SERPINB9: variants seen among roughly 807,000 people sequenced by gnomAD.
SERPINB9 encodes the protein serpin B9.
Under a neutral mutation model 27.2 loss-of-function variants are expected in SERPINB9, and 20 were observed. The ratio of observed to expected loss-of-function variants is 0.74; its 90% CI spans 0.52 to 1.07. The LOEUF is 1.07. Among genes scored for constraint, SERPINB9 ranks in the 50% least tolerant of loss-of-function variants. The probability of loss-of-function intolerance (pLI) is 0.00; values close to 1 mark genes in which losing one functional copy is unlikely to be tolerated. For missense variants in SERPINB9, 476 were observed against 460.1 expected, an observed-to-expected ratio of 1.03 and a Z score of -0.32; for synonymous variants, 189 against 180.0, an observed-to-expected ratio of 1.05 and a Z score of -0.40.
intron 1 of SERPINB9, among the ~76,000 whole-genome samples, chr6:2,900,865 C>T (rs1466032770): frequency 1.8e-5 from 1 of 57,030 alleles, no homozygotes; most frequent in Non-Finnish European, 3.2e-5. Context: ...AGAACTGGCT[C>T]GCCTGCAGAG....
chr6:2,890,456 T>C lies in SERPINB9; in HGVS notation c.838A>G (p.Met280Val). ...PKFKLQEDYD[M>V]ESVLRHLGIV... Reference sequence around the variant, plus strand: ...CCCAAATGCCGAAGCACAGATTCCATGTCATAATCCTCTTGTAGTTTAAAT... The same window carrying C: ...CCCAAATGCCGAAGCACAGATTCCACGTCATAATCCTCTTGTAGTTTAAAT... Residue 280 changes from methionine (M) to valine (V), a missense_variant, in exon 7 of 7, where the codon ATG becomes GTG. Physicochemically the swap from Met to Val is conservative, Grantham distance 21 (BLOSUM62 1). Coordinates refer to ENST00000380698, the MANE Select transcript of SERPINB9 (RefSeq NM_004155.6). The surrounding 1 kb of genome is among the most constrained non-coding windows in gnomAD (Gnocchi z 6.2). The C allele has an allele frequency of 1.2e-6, 2 of 1,614,228 alleles. No individual in the cohort carries two copies. The highest frequency in any genetic ancestry group is 1.7e-6 in the Non-Finnish European group (2 of 1,180,046).
chr6:2,900,879 GCT>G (rs149162495), intron 1 of SERPINB9, among the ~76,000 whole-genome samples: 3 of 140,086 alleles, frequency 2.1e-5, no homozygotes, highest in South Asian at 4.3e-4. Flanking sequence ...TGCAGAGCTC[GCT>G]CTCTCACACA....
chr6:2,892,105 T>C, intron 5 of SERPINB9, 117 bp from the exon 6 acceptor site: 1 of 115,028 alleles, frequency 8.7e-6, no homozygotes, highest in Non-Finnish European at 1.4e-5. Context: ...CAGTTAACAC[T>C]AAAAAAAAAA....
chr6:2,895,959 A>G (rs895918004), intron 3 of SERPINB9, 94 bp downstream of exon 3: 2 of 1,360,028 alleles, frequency 1.5e-6, no homozygotes, highest in African/African-American at 3.0e-5. Flanking sequence ...ATTGGTTAAC[A>G]TAAATTTCTC....
chr6:2,900,885 T>TCTCACACA (rs61100591), intron 1 of SERPINB9, among the ~76,000 whole-genome samples: 10 of 141,572 alleles, frequency 7.1e-5, no homozygotes, highest in East Asian at 4.2e-4. Flanking sequence ...GCTCGCTCTC[T>TCTCACACA]CACACACACA....
chr6:2,891,874 G>A lies in SERPINB9; in HGVS notation c.682C>T (p.Leu228=), dbSNP rs934294114. ...CCGTCGTCAGGCAGCAGCACCAGCA[G>A]GCTCAGCTCCTTCCTGGCGTAGGGC... The part of the protein sequence containing the change: ...ELPYARKELS[L]LVLLPDDGVE... The change falls in exon 6 of 7, where the codon CTG becomes TTG. Residue 228 remains leucine (L), a synonymous_variant. Coordinates refer to ENST00000380698, the MANE Select transcript of SERPINB9 (RefSeq NM_004155.6). This position sits in a 1 kb window ranked among gnomAD's most constrained non-coding sequence, Gnocchi z 4.0. The A allele has an allele frequency of 1.2e-6, 2 of 1,611,226 alleles. No individual in the cohort carries two copies. Among genetic ancestry groups the A allele is most frequent in the Non-Finnish European group, 8.5e-7 (1 of 1,179,678 alleles).
chr6:2,900,885 T>TCTCACACACACACACACACACACACACA (rs61100591), intron 1 of SERPINB9, among the ~76,000 whole-genome samples: 37 of 141,574 alleles, frequency 2.6e-4, no homozygotes, highest in East Asian at 1.3e-3. Context: ...GCTCGCTCTC[T>TCTCACACACACACACACACACACACACA]CACACACACA....
chr6:2,894,581 C>T lies in SERPINB9; in HGVS notation c.424+810G>A, dbSNP rs1280628258. Among the ~76,000 whole-genome samples the T allele has an allele frequency of 1.3e-5, 2 of 152,082 alleles. No homozygotes were observed. Among genetic ancestry groups the T allele is most frequent in the Non-Finnish European group, 2.9e-5 (2 of 68,022 alleles). On this transcript the variant is annotated intron_variant, in intron 4 of 6. Transcript: ENST00000380698. This position sits in a 1 kb window ranked among gnomAD's most constrained non-coding sequence, Gnocchi z 4.7. ...AGGTAAAGGTAATGGTGATGGAGGT[C>T]CCCCAGAACCTAGGAAGAGGCAGCC...
chr6:2,895,892 G>A (rs978632525), intron 3 of SERPINB9, among the ~76,000 whole-genome samples, 161 bp downstream of exon 3: 3 of 152,004 alleles, frequency 2.0e-5, no homozygotes, highest in African/African-American at 7.3e-5. Flanking sequence ...TTTAAGACCA[G>A]CCTGGGCAAC....
In SERPINB9 at chr6:2,888,353, CAAA is replaced by C. The variant is rs1767664132; in HGVS notation, c.*1807_*1809del. On this transcript the variant is annotated 3_prime_UTR_variant, in exon 7 of 7. Coordinates refer to ENST00000380698, the MANE Select transcript of SERPINB9 (RefSeq NM_004155.6). ...TCCTAGATATATACCCAAGAGAATG[CAAA>C]ATAGGCATTCAAACAAATACAGGTA... 6.6e-6 allele frequency: 1 copy of C among 152,010 alleles called. No homozygotes were observed. The highest frequency in any genetic ancestry group is 2.4e-5 in the African/African-American group (1 of 41,390). 9.4% of individuals were successfully genotyped at this position (152,010 alleles called of 1,614,324 possible). A position where few individuals can be genotyped will look rare whatever the true frequency, so the allele number is the denominator to read the frequency against.
At chr6:2,895,903 G>A (rs1052548097) in intron 3 of SERPINB9, 150 bp downstream of exon 3, 12 of 769,096 alleles carry the variant, frequency 1.6e-5, no homozygotes, top group African/African-American at 1.2e-4. Context: ...CCTGGGCAAC[G>A]TAGTGAGACC....
At chr6:2,901,489 A>G (rs966472875) in intron 1 of SERPINB9, among the ~76,000 whole-genome samples, 1 of 152,230 alleles carries the variant, frequency 6.6e-6, no homozygotes, top group African/African-American at 2.4e-5. Flanking sequence ...GCCAGAATGG[A>G]AAGGCAAGAA....
intron 2 of SERPINB9, chr6:2,900,031 G>T (rs990575320): frequency 7.0e-6 from 3 of 428,296 alleles, no homozygotes; most frequent in Middle Eastern, 6.8e-4. Flanking sequence ...TCCCTGAGCT[G>T]TTGGTACAGA....
chr6:2,893,185 T>TAC (rs1447154320), intron 5 of SERPINB9, among the ~76,000 whole-genome samples: 1 of 29,340 alleles, frequency 3.4e-5, no homozygotes, highest in Non-Finnish European at 7.1e-5. Flanking sequence ...GATAAAACAC[T>TAC]ACATATATAT....
rs1353940170 is a variant in SERPINB9, at chr6:2,894,279, C to T, written c.425-726G>A. 6.6e-6 allele frequency among the ~76,000 whole-genome samples: 1 copy of T among 152,146 alleles called. No individual in the cohort carries two copies. The highest frequency in any genetic ancestry group is 1.5e-5 in the Non-Finnish European group (1 of 68,026). ...CATTCTTTACCGTCTCATTTATTCA[C>T]AGAAATGGAAATGTTCCTGGTGGTA... On this transcript the variant is annotated intron_variant, in intron 4 of 6. Coordinates refer to ENST00000380698, the MANE Select transcript of SERPINB9 (RefSeq NM_004155.6). The surrounding 1 kb of genome is among the most constrained non-coding windows in gnomAD (Gnocchi z 4.7).
intron 2 of SERPINB9, 86 bp downstream of exon 2, chr6:2,900,358 C>G (rs770800537): frequency 2.9e-5 from 44 of 1,508,170 alleles, no homozygotes; most frequent in Non-Finnish European, 4.0e-5. Flanking sequence ...CCTCCTTTCT[C>G]AGTGGCTCTG....
In SERPINB9 at chr6:2,890,594, A is replaced by C. The variant is rs1767765909; in HGVS notation, c.724-24T>G. On this transcript the variant is annotated intron_variant, in intron 6 of 6. Transcript: ENST00000380698. This position sits in a 1 kb window ranked among gnomAD's most constrained non-coding sequence, Gnocchi z 6.2. The stretch of plus-strand genomic sequence containing the variant: ...ACCTGAAAGACCAGAATTAGACTTT[A>C]AGATTCCGACTTCAGTGCACATGTA... 1 of 1,590,348 alleles carries C rather than the reference A, an allele frequency of 6.3e-7. No individual in the cohort carries two copies. Among genetic ancestry groups the C allele is most frequent in the Non-Finnish European group, 8.6e-7 (1 of 1,165,582 alleles).
chr6:2,889,415 G>GCCA lies in SERPINB9; in HGVS notation c.*747_*748insTGG, dbSNP rs1043362178. On this transcript the variant is annotated 3_prime_UTR_variant, in exon 7 of 7. Transcript: ENST00000380698. ...AGAAAAAGATAAAAGATAAAATATA[G>GCCA]CCGGGCGCGGTGGCTCAAGCCTGTA... 7.9e-5 allele frequency: 12 copies of GCCA among 152,320 alleles called. No individual in the cohort carries two copies. The highest frequency in any genetic ancestry group is 2.9e-4 in the African/African-American group (12 of 41,440). The allele number at this position is 152,320 out of a possible 1,614,324, so 9.4% of individuals were successfully genotyped here.
At chr6:2,899,009 C>A (rs543354722) in intron 2 of SERPINB9, among the ~76,000 whole-genome samples, 28 of 152,152 alleles carry the variant, frequency 1.8e-4, no homozygotes, top group African/African-American at 6.5e-4. Context: ...CTGCCATTAA[C>A]GCTTCCCTGC....
Sources: allele counts gnomAD v4.1 joint callset (sites outside exome capture counted in the v4.1 genomes callset), GRCh38; gene constraint gnomAD v4.1.1; non-coding constraint Gnocchi (gnomAD v3.1); transcripts MANE v1.5; gene names NCBI Gene and HGNC (gene_info 2026-07-23, HGNC 2026-07-21).